Variants in SPN observed in about 807,000 individuals in gnomAD.
The protein encoded by SPN is leukosialin.
In SPN, 6 loss-of-function variants were observed where a neutral mutation model predicts 8.4. The observed-to-expected ratio is 0.72, with a 90% CI of 0.39 to 1.42. The LOEUF is 1.42. Among genes scored for constraint, SPN ranks in the 40% most tolerant of loss-of-function variants. SPN has a pLI of 0.02. For synonymous variants in SPN, 201 were observed against 222.6 expected, an observed-to-expected ratio of 0.90 and a Z score of 0.86; for missense variants, 517 against 530.6, an observed-to-expected ratio of 0.97 and a Z score of 0.25.
rs117520617 is a variant in SPN at position 29,668,874 on chromosome 16, G to T, written c.*3943G>T. 1 of 166,746 alleles carries T rather than the reference G, an allele frequency of 6.0e-6. No individual in the cohort carries two copies. The allele number at this position is 166,746 out of a possible 1,614,324, so 10.3% of individuals were successfully genotyped here. A position where few individuals can be genotyped will look rare whatever the true frequency, so the allele number is the denominator to read the frequency against. ...AAAAAAAACGTGGAGCAGATCCAGC[G>T]CAGTGGCTCATGCCTGTAATCCCAG... On this transcript the variant is annotated 3_prime_UTR_variant, in exon 2 of 2. Coordinates refer to ENST00000652691, the MANE Select transcript of SPN (RefSeq NM_003123.6).
Position 29,663,964 on chromosome 16 carries a change from CTT to C in SPN, c.237_238del (p.Ser80HisfsTer11). Reference sequence around the variant, plus strand: ...ATCAATGAGGGATCCCCTCTTTGGACTTCCATTGGTGCCAGCACTGGTTCCCC... The same window carrying C: ...ATCAATGAGGGATCCCCTCTTTGGACCCATTGGTGCCAGCACTGGTTCCCC... On this transcript the variant is annotated frameshift_variant, in exon 2 of 2. Transcript: ENST00000652691. LOFTEE classifies it low-confidence loss of function (END_TRUNC). This position sits in a 1 kb window ranked among gnomAD's most constrained non-coding sequence, Gnocchi z 4.3. 1 of 1,614,174 alleles carries C rather than the reference CTT, an allele frequency of 6.2e-7. No individual in the cohort carries two copies. Among genetic ancestry groups the C allele is most frequent in the Admixed American group, 1.7e-5 (1 of 60,004 alleles).
In SPN at chr16:29,664,560, C is replaced by T. The variant is rs771582029; in HGVS notation, c.832C>T (p.Arg278Cys). The T allele has an allele frequency of 5.0e-6, 8 of 1,613,180 alleles. No individual in the cohort carries two copies. Among genetic ancestry groups the T allele is most frequent in the East Asian group, 4.5e-5 (2 of 44,850 alleles). ...CCTCGTGGCTCTGCTCCTGCTGTGG[C>T]GCCGGCGGCAGAAGCGGCGGACTGG... is the stretch of plus-strand genomic sequence containing the variant. ...IVLVALLLLWRRRQKRRTGAL... is the reference protein window; with the variant it reads ...IVLVALLLLWCRRQKRRTGAL... The change falls in exon 2 of 2, where the codon CGC (arginine) becomes TGC (cysteine). Residue 278 changes from arginine to cysteine, a missense_variant. Coordinates refer to ENST00000652691, the MANE Select transcript of SPN (RefSeq NM_003123.6). The surrounding 1 kb of genome is among the most constrained non-coding windows in gnomAD (Gnocchi z 6.4).
At position 29,669,695 on chromosome 16, in the gene SPN, C is replaced by A. The variant is rs1222873517; in HGVS notation, c.*4764C>A. 1.9e-5 allele frequency: 3 copies of A among 155,970 alleles called. No individual in the cohort carries two copies. Among genetic ancestry groups the A allele is most frequent in the Non-Finnish European group, 4.4e-5 (3 of 67,628 alleles). 9.7% of individuals were successfully genotyped at this position (155,970 alleles called of 1,614,324 possible). A position where few individuals can be genotyped will look rare whatever the true frequency, so the allele number is the denominator to read the frequency against. ...AGGAGTTCAAGACCAGCCTGACCAA[C>A]ATGGTGAAACCCTGTTTCAAAATAC... On this transcript the variant is annotated 3_prime_UTR_variant, in exon 2 of 2. Coordinates refer to ENST00000652691, the MANE Select transcript of SPN (RefSeq NM_003123.6).
rs1966805697 is a variant in SPN, at chr16:29,666,093, G to A, written c.*1162G>A. Reference sequence around the variant, plus strand: ...AGACGGTGTGGGGGTGGGAAGTGGTGCAGAGACTGAAGAGGGTCAACCTGG... The same window carrying A: ...AGACGGTGTGGGGGTGGGAAGTGGTACAGAGACTGAAGAGGGTCAACCTGG... On this transcript the variant is annotated 3_prime_UTR_variant, in exon 2 of 2. Coordinates refer to ENST00000652691, the MANE Select transcript of SPN (RefSeq NM_003123.6). The A allele has an allele frequency of 6.0e-6, 1 of 167,178 alleles. No homozygotes were observed. The highest frequency in any genetic ancestry group is 2.4e-5 in the African/African-American group (1 of 41,460). The allele number at this position is 167,178 out of a possible 1,614,324, so 10.4% of individuals were successfully genotyped here.
Position 29,667,890 on chromosome 16 carries a change from G to A in SPN, c.*2959G>A, listed in dbSNP as rs1326698358. On this transcript the variant is annotated 3_prime_UTR_variant, in exon 2 of 2. Transcript: ENST00000652691. ...GAAGCCTACCAAGCCATGCGTGTGT[G>A]CACATATGTGTGTACGTGTGCATGT... is the stretch of plus-strand genomic sequence containing the variant. The A allele has an allele frequency of 6.0e-6, 1 of 166,606 alleles. No individual in the cohort carries two copies. The highest frequency in any genetic ancestry group is 1.9e-4 in the East Asian group (1 of 5,206). The allele number at this position is 166,606 out of a possible 1,614,324, so 10.3% of individuals were successfully genotyped here.
chr16:29,664,826 C>T lies in SPN; in HGVS notation c.1098C>T (p.Gly366=). The change falls in exon 2 of 2, where the codon GGC becomes GGT. Residue 366 remains glycine, a synonymous_variant. Transcript: ENST00000652691. The surrounding 1 kb of genome is among the most constrained non-coding windows in gnomAD (Gnocchi z 6.4). ...LAMEELKSGS[G]PSLKGEEEPL... is the part of the protein sequence containing the mutation. ...TGGAGGAGCTGAAGTCTGGGTCAGGCCCCAGCCTCAAAGGGGAGGAGGAGC... is the reference window on the plus strand; with the variant it reads ...TGGAGGAGCTGAAGTCTGGGTCAGGTCCCAGCCTCAAAGGGGAGGAGGAGC... 1 of 1,500,848 alleles carries T rather than the reference C, an allele frequency of 6.7e-7. No individual in the cohort carries two copies. Among genetic ancestry groups the T allele is most frequent in the South Asian group, 1.4e-5 (1 of 71,594 alleles). 93.0% of individuals were successfully genotyped at this position (1,500,848 alleles called of 1,614,324 possible). A position where few individuals can be genotyped will look rare whatever the true frequency, so the allele number is the denominator to read the frequency against.
Position 29,663,451 on chromosome 16 carries a change from G to T in SPN, c.-35+135G>T. On this transcript the variant is annotated intron_variant, in intron 1 of 1. Coordinates refer to ENST00000652691, the MANE Select transcript of SPN (RefSeq NM_003123.6). The surrounding 1 kb of genome is among the most constrained non-coding windows in gnomAD (Gnocchi z 4.3). ...GCTGCACAGGGTCAGGGAAGGCCAGGAGGGGCTGGTCACTGCTGGAATCTA... is the reference window on the plus strand; with the variant it reads ...GCTGCACAGGGTCAGGGAAGGCCAGTAGGGGCTGGTCACTGCTGGAATCTA... 1 of 414,670 alleles carries T rather than the reference G, an allele frequency of 2.4e-6. No individual in the cohort carries two copies. The highest frequency in any genetic ancestry group is 4.3e-5 in the East Asian group (1 of 23,278). 25.7% of individuals were successfully genotyped at this position (414,670 alleles called of 1,614,324 possible). A position where few individuals can be genotyped will look rare whatever the true frequency, so the allele number is the denominator to read the frequency against.
chr16:29,666,675 T>TCCTCTTCCATCCCAGGGGCTGAG lies in SPN; in HGVS notation c.*1747_*1769dup, dbSNP rs1230078700. On this transcript the variant is annotated 3_prime_UTR_variant, in exon 2 of 2. Coordinates refer to ENST00000652691, the MANE Select transcript of SPN (RefSeq NM_003123.6). ...TTTCCAGGTTTAGTTTGTCTGTGTC[T>TCCTCTTCCATCCCAGGGGCTGAG]CCTCTTCCATCCCAGGGGCTGAGCC... 1 of 339,384 alleles carries TCCTCTTCCATCCCAGGGGCTGAG rather than the reference T, an allele frequency of 2.9e-6. No individual in the cohort carries two copies. The highest frequency in any genetic ancestry group is 6.2e-6 in the Non-Finnish European group (1 of 162,238). 21.0% of individuals were successfully genotyped at this position (339,384 alleles called of 1,614,324 possible). A position where few individuals can be genotyped will look rare whatever the true frequency, so the allele number is the denominator to read the frequency against.
At position 29,663,442 on chromosome 16, in the gene SPN, G is replaced by C. The variant is rs1444956950; in HGVS notation, c.-35+126G>C. The C allele has an allele frequency of 2.6e-6, 1 of 388,776 alleles. No homozygotes were observed. Among genetic ancestry groups the C allele is most frequent in the Non-Finnish European group, 4.7e-6 (1 of 214,648 alleles). The allele number at this position is 388,776 out of a possible 1,614,324, so 24.1% of individuals were successfully genotyped here. A position where few individuals can be genotyped will look rare whatever the true frequency, so the allele number is the denominator to read the frequency against. On this transcript the variant is annotated intron_variant, in intron 1 of 1. Coordinates refer to ENST00000652691, the MANE Select transcript of SPN (RefSeq NM_003123.6). This position sits in a 1 kb window ranked among gnomAD's most constrained non-coding sequence, Gnocchi z 4.3. ...AGCCATTGGGCTGCACAGGGTCAGG[G>C]AAGGCCAGGAGGGGCTGGTCACTGC...
chr16:29,664,035 T>C lies in SPN; in HGVS notation c.307T>C (p.Ser103Pro). The change falls in exon 2 of 2, where the codon TCA becomes CCA. Residue 103 changes from serine to proline, a missense_variant. Ser to Pro is a moderately conservative substitution (Grantham distance 74). Coordinates refer to ENST00000652691, the MANE Select transcript of SPN (RefSeq NM_003123.6). This position sits in a 1 kb window ranked among gnomAD's most constrained non-coding sequence, Gnocchi z 6.4. ...CTACCAGGAAGTTTCCATCAAGATG[T>C]CATCAGTGCCCCAGGAAACCCCTCA... Reference protein sequence around the residue: ...TTYQEVSIKMSSVPQETPHAT... With the variant: ...TTYQEVSIKMPSVPQETPHAT... 1 of 1,614,008 alleles carries C rather than the reference T, an allele frequency of 6.2e-7. No individual in the cohort carries two copies. The highest frequency in any genetic ancestry group is 1.3e-5 in the African/African-American group (1 of 74,958).
At position 29,669,158 on chromosome 16, in the gene SPN, G is replaced by A. The variant is rs1423538928; in HGVS notation, c.*4227G>A. On this transcript the variant is annotated 3_prime_UTR_variant, in exon 2 of 2. Transcript: ENST00000652691. ...TTATATATATATTTTTTAAAGTGGAGCAGTTCAATATAGAGTCTTTTTTGA... is the reference window on the plus strand; with the variant it reads ...TTATATATATATTTTTTAAAGTGGAACAGTTCAATATAGAGTCTTTTTTGA... 6.0e-6 allele frequency: 1 copy of A among 166,508 alleles called. No individual in the cohort carries two copies. The highest frequency in any genetic ancestry group is 1.5e-5 in the Non-Finnish European group (1 of 68,034). The allele number at this position is 166,508 out of a possible 1,614,324, so 10.3% of individuals were successfully genotyped here. A position where few individuals can be genotyped will look rare whatever the true frequency, so the allele number is the denominator to read the frequency against.
Position 29,664,830 on chromosome 16 carries a change from A to G in SPN, c.1102A>G (p.Ser368Gly), listed in dbSNP as rs1596771379. The G allele has an allele frequency of 2.7e-6, 4 of 1,501,018 alleles. No homozygotes were observed. In the East Asian group the frequency reaches 7.0e-5, roughly 26 times the overall value. 93.0% of individuals were successfully genotyped at this position (1,501,018 alleles called of 1,614,324 possible). Residue 368 changes from serine to glycine, a missense_variant, in exon 2 of 2, where the codon AGC becomes GGC. Coordinates refer to ENST00000652691, the MANE Select transcript of SPN (RefSeq NM_003123.6). This position sits in a 1 kb window ranked among gnomAD's most constrained non-coding sequence, Gnocchi z 6.4. ...GGAGCTGAAGTCTGGGTCAGGCCCCAGCCTCAAAGGGGAGGAGGAGCCACT... is the reference window on the plus strand; with the variant it reads ...GGAGCTGAAGTCTGGGTCAGGCCCCGGCCTCAAAGGGGAGGAGGAGCCACT... ...MEELKSGSGP[S>G]LKGEEEPLVA...
Position 29,670,662 on chromosome 16 carries a change from C to T in SPN, c.*5731C>T. The T allele has an allele frequency of 4.9e-6, 2 of 409,366 alleles. No homozygotes were observed. Among genetic ancestry groups the T allele is most frequent in the South Asian group, 3.5e-5 (2 of 57,086 alleles). 25.4% of individuals were successfully genotyped at this position (409,366 alleles called of 1,614,324 possible). Reference sequence around the variant, plus strand: ...ATATAATGTTAAGTGGGGAAAAAAGCAAGTTACTCCTCTGTAATACATATG... The same window carrying T: ...ATATAATGTTAAGTGGGGAAAAAAGTAAGTTACTCCTCTGTAATACATATG... On this transcript the variant is annotated 3_prime_UTR_variant, in exon 2 of 2. Transcript: ENST00000652691.
In SPN at chr16:29,666,677, C is replaced by G. The variant is rs531005722; in HGVS notation, c.*1746C>G. 5.9e-6 allele frequency: 2 copies of G among 338,944 alleles called. No individual in the cohort carries two copies. The highest frequency in any genetic ancestry group is 7.8e-5 in the Admixed American group (2 of 25,746). The allele number at this position is 338,944 out of a possible 1,614,324, so 21.0% of individuals were successfully genotyped here. A position where few individuals can be genotyped will look rare whatever the true frequency, so the allele number is the denominator to read the frequency against. ...TCCAGGTTTAGTTTGTCTGTGTCTCCTCTTCCATCCCAGGGGCTGAGCCCC... is the reference window on the plus strand; with the variant it reads ...TCCAGGTTTAGTTTGTCTGTGTCTCGTCTTCCATCCCAGGGGCTGAGCCCC... On this transcript the variant is annotated 3_prime_UTR_variant, in exon 2 of 2. Transcript: ENST00000652691.
Position 29,664,205 on chromosome 16 carries a change from G to C in SPN, c.477G>C (p.Glu159Asp). The C allele has an allele frequency of 6.2e-7, 1 of 1,613,852 alleles. No individual in the cohort carries two copies. The highest frequency in any genetic ancestry group is 8.5e-7 in the Non-Finnish European group (1 of 1,179,968). Residue 159 changes from glutamate to aspartate, a missense_variant, in exon 2 of 2, where the codon GAG (glutamate) becomes GAC (aspartate). By Grantham distance (45) the Glu-to-Asp change is conservative. Transcript: ENST00000652691. The surrounding 1 kb of genome is among the most constrained non-coding windows in gnomAD (Gnocchi z 6.4). ...APVTTAASSL[E>D]TSRGTSGPPL... ...TTACCACGGCAGCTAGCTCTCTGGA[G>C]ACCTCCAGAGGCACCTCTGGACCCC...
In SPN at chr16:29,664,275, T is replaced by G. The variant is rs534143796; in HGVS notation, c.547T>G (p.Ser183Ala). 1.0e-4 allele frequency: 167 copies of G among 1,613,632 alleles called. No homozygotes were observed. The South Asian group carries it at 1.7e-3, about 17-fold the overall frequency. Residue 183 changes from serine to alanine, a missense_variant, in exon 2 of 2, where the codon TCT becomes GCT. Ser to Ala is a moderately conservative substitution (Grantham distance 99). Coordinates refer to ENST00000652691, the MANE Select transcript of SPN (RefSeq NM_003123.6). The surrounding 1 kb of genome is among the most constrained non-coding windows in gnomAD (Gnocchi z 6.4). ...TVSLETSKGT[S>A]GPPVTMATDS... ...CTCTCTGGAGACTTCCAAAGGCACC[T>G]CTGGACCCCCTGTTACCATGGCAAC...
rs1270577102 is a variant in SPN at position 29,664,195 on chromosome 16, G to C, written c.467G>C (p.Ser156Thr). ...TSGAPVTTAA[S>T]SLETSRGTSG... is the part of the protein sequence containing the mutation. ...GGAGCCCCTGTTACCACGGCAGCTAGCTCTCTGGAGACCTCCAGAGGCACC... is the reference window on the plus strand; with the variant it reads ...GGAGCCCCTGTTACCACGGCAGCTACCTCTCTGGAGACCTCCAGAGGCACC... Residue 156 changes from serine to threonine, a missense_variant, in exon 2 of 2, where the codon AGC becomes ACC. Ser to Thr is a moderately conservative substitution (Grantham distance 58). Coordinates refer to ENST00000652691, the MANE Select transcript of SPN (RefSeq NM_003123.6). The surrounding 1 kb of genome is among the most constrained non-coding windows in gnomAD (Gnocchi z 6.4). The C allele has an allele frequency of 6.8e-6, 11 of 1,613,774 alleles. No homozygotes were observed. The highest frequency in any genetic ancestry group is 9.3e-6 in the Non-Finnish European group (11 of 1,179,918).
rs1304818297 is a variant in SPN at position 29,666,522 on chromosome 16, TCTCA to T, written c.*1593_*1596del. 20 of 137,674 alleles carry T rather than the reference TCTCA, an allele frequency of 1.5e-4. No homozygotes were observed. Among genetic ancestry groups the T allele is most frequent in the South Asian group, 2.3e-4 (1 of 4,322 alleles). 8.5% of individuals were successfully genotyped at this position (137,674 alleles called of 1,614,324 possible). A position where few individuals can be genotyped will look rare whatever the true frequency, so the allele number is the denominator to read the frequency against. Reference sequence around the variant, plus strand: ...TGTGCGCTCTCTCTCTCTCTCTCTCTCTCACACACACACACACACACACACACAC... The same window carrying T: ...TGTGCGCTCTCTCTCTCTCTCTCTCTCACACACACACACACACACACACAC... On this transcript the variant is annotated 3_prime_UTR_variant, in exon 2 of 2. Coordinates refer to ENST00000652691, the MANE Select transcript of SPN (RefSeq NM_003123.6).
At position 29,663,799 on chromosome 16, in the gene SPN, T is replaced by A; in HGVS notation, c.71T>A (p.Val24Glu). 6.2e-7 allele frequency: 1 copy of A among 1,613,796 alleles called. No homozygotes were observed. Among genetic ancestry groups the A allele is most frequent in the Non-Finnish European group, 8.5e-7 (1 of 1,179,922 alleles). ...SPDALGSTTAVQTPTSGEPLV... is the reference protein window; with the variant it reads ...SPDALGSTTAEQTPTSGEPLV... ...GACGCTCTGGGGAGCACAACAGCAGTGCAGACACCCACCTCCGGAGAGCCT... is the reference window on the plus strand; with the variant it reads ...GACGCTCTGGGGAGCACAACAGCAGAGCAGACACCCACCTCCGGAGAGCCT... Residue 24 changes from valine to glutamate, a missense_variant, in exon 2 of 2, where the codon GTG becomes GAG. By Grantham distance (121) the Val-to-Glu change is moderately radical. Transcript: ENST00000652691. The surrounding 1 kb of genome is among the most constrained non-coding windows in gnomAD (Gnocchi z 4.3).
Sources: allele counts gnomAD v4.1 joint callset, GRCh38; gene constraint gnomAD v4.1.1; non-coding constraint Gnocchi (gnomAD v3.1); transcripts MANE v1.5; gene names NCBI Gene and HGNC (gene_info 2026-07-23, HGNC 2026-07-21).